The following LRP1B variants were observed in gnomAD, a reference collection of about 807,000 sequenced individuals.
LRP1B encodes low-density lipoprotein receptor-related protein 1B.
Under a neutral mutation model 556.6 loss-of-function variants are expected in LRP1B, and 217 were observed. That is an observed-to-expected ratio of 0.39 (90% CI 0.35 to 0.44). LRP1B has a LOEUF of 0.44. LRP1B is among the 20% of genes least tolerant of loss of function. The probability of loss-of-function intolerance (pLI) is 1.00; values close to 1 mark genes in which losing one functional copy is unlikely to be tolerated. For missense variants in LRP1B, 5,053 were observed against 5,620.8 expected (o/e 0.90, Z 3.23); for synonymous variants, 2,047 against 1,865.8 (o/e 1.10, Z -2.50).
At chr2:142,068,044 A>G (rs1215820990) in intron 1 of LRP1B, among the ~76,000 whole-genome samples, 2 of 151,506 alleles carry the variant, frequency 1.3e-5, no homozygotes, top group Non-Finnish European at 3.0e-5. Flanking sequence ...CTGGTTCCTT[A>G]AAGACCCTTC....
chr2:140,733,138 A>G (rs1394688770), intron 35 of LRP1B, among the ~76,000 whole-genome samples: 2 of 152,124 alleles, frequency 1.3e-5, no homozygotes, highest in African/African-American at 4.8e-5. Flanking sequence ...AGGAAACTCA[A>G]AAGGAATCTC....
rs536474837 is a variant in LRP1B at position 141,763,630 on chromosome 2, C to T, written c.205+46649G>A. 5.9e-5 allele frequency among the ~76,000 whole-genome samples: 9 copies of T among 152,136 alleles called. No individual in the cohort carries two copies. The South Asian group carries it at 1.7e-3, about 28-fold the overall frequency. On this transcript the variant is annotated intron_variant, in intron 2 of 90. Coordinates refer to ENST00000389484, the MANE Select transcript of LRP1B (RefSeq NM_018557.3). Reference sequence around the variant, plus strand: ...GATGGCCAGGTTTCAGTATGGTGTACAATTTTATATATTGCTGGTGTAAGA... The same window carrying T: ...GATGGCCAGGTTTCAGTATGGTGTATAATTTTATATATTGCTGGTGTAAGA...
At chr2:141,164,835 C>G (rs976112391) in intron 7 of LRP1B, among the ~76,000 whole-genome samples, 2 of 152,038 alleles carry the variant, frequency 1.3e-5, no homozygotes, top group African/African-American at 4.8e-5. Flanking sequence ...ATAGTAGCAG[C>G]TGGTCCAGAA....
Position 142,005,187 on chromosome 2 carries a change from C to T in LRP1B, c.82+125461G>A, listed in dbSNP as rs184871215. ...ACTATATATTTATATATATTTGGTG[C>T]CTATATATATTTAGTGCAGACCACT... On this transcript the variant is annotated intron_variant, in intron 1 of 90. Coordinates refer to ENST00000389484, the MANE Select transcript of LRP1B (RefSeq NM_018557.3). 5.0e-3 allele frequency among the ~76,000 whole-genome samples: 748 copies of T among 150,162 alleles called. 7 individuals carry two copies. The highest frequency in any genetic ancestry group is 0.017 in the African/African-American group (711 of 40,946).
chr2:141,571,700 T>C (rs974181098), intron 2 of LRP1B, among the ~76,000 whole-genome samples: 4 of 152,082 alleles, frequency 2.6e-5, no homozygotes, highest in African/African-American at 9.7e-5. Context: ...GTTAGAGGAA[T>C]TGCCACTAGA....
chr2:141,019,633 A>G (rs1698008417), intron 12 of LRP1B, among the ~76,000 whole-genome samples: 1 of 152,074 alleles, frequency 6.6e-6, no homozygotes, highest in Admixed American at 6.6e-5. Flanking sequence ...TTGATTATTT[A>G]TCTTGGTGTC....
At chr2:142,082,997 G>A (rs983002791) in intron 1 of LRP1B, among the ~76,000 whole-genome samples, 1 of 152,098 alleles carries the variant, frequency 6.6e-6, no homozygotes, top group African/African-American at 2.4e-5. Flanking sequence ...TCTATGTAGA[G>A]ATAAATAACA....
chr2:140,266,724 A>C (rs1007159697), intron 86 of LRP1B, among the ~76,000 whole-genome samples: 1 of 152,050 alleles, frequency 6.6e-6, no homozygotes, highest in Non-Finnish European at 1.5e-5. Context: ...GTTTTCTAAA[A>C]ATACTGTGAA....
At chr2:140,576,522 G>A (rs771719659) in intron 43 of LRP1B, among the ~76,000 whole-genome samples, 2 of 152,016 alleles carry the variant, frequency 1.3e-5, no homozygotes, top group Non-Finnish European at 2.9e-5. Context: ...CAAGACCATC[G>A]GAATCCAATT....
Position 141,781,516 on chromosome 2 carries a change from G to A in LRP1B, c.205+28763C>T, listed in dbSNP as rs756099806. On this transcript the variant is annotated intron_variant, in intron 2 of 90. Coordinates refer to ENST00000389484, the MANE Select transcript of LRP1B (RefSeq NM_018557.3). ...ATAAAGGAGCACTCTAGCTGCTAGT[G>A]AAAGTCACACAATTTTTTCACTCTC... Among the ~76,000 whole-genome samples the A allele has an allele frequency of 2.1e-4, 32 of 152,256 alleles. 1 individual carries two copies. Among genetic ancestry groups the A allele is most frequent in the Middle Eastern group, 3.4e-3 (1 of 294 alleles).
intron 35 of LRP1B, among the ~76,000 whole-genome samples, chr2:140,735,800 C>G (rs1175150859): frequency 6.6e-6 from 1 of 152,128 alleles, no homozygotes; most frequent in African/African-American, 2.4e-5. Flanking sequence ...CCCAGTCTAA[C>G]CCAACTGGAG....
chr2:141,884,493 T>C (rs1699050662), intron 1 of LRP1B, among the ~76,000 whole-genome samples: 1 of 152,204 alleles, frequency 6.6e-6, no homozygotes, highest in African/African-American at 2.4e-5. Flanking sequence ...AAACGAAATA[T>C]GTGCTACAGT....
intron 3 of LRP1B, among the ~76,000 whole-genome samples, chr2:141,255,570 T>C (rs867217152): frequency 1.3e-5 from 2 of 152,088 alleles, no homozygotes; most frequent in Non-Finnish European, 1.5e-5. Context: ...TAGTTATCTA[T>C]AGTATATCCT....
intron 3 of LRP1B, among the ~76,000 whole-genome samples, chr2:141,431,331 T>C (rs1680557291): frequency 1.3e-5 from 2 of 151,942 alleles, no homozygotes; most frequent in South Asian, 4.2e-4. Flanking sequence ...AGGCTACACA[T>C]ACGGACTGAG....
intron 2 of LRP1B, among the ~76,000 whole-genome samples, chr2:141,494,282 T>C (rs945681606): frequency 6.6e-5 from 10 of 152,278 alleles, no homozygotes; most frequent in African/African-American, 2.4e-4. Context: ...TATATCCTCT[T>C]TGTGCTAGAA....
At chr2:142,041,036 C>T (rs979065263) in intron 1 of LRP1B, among the ~76,000 whole-genome samples, 1 of 151,246 alleles carries the variant, frequency 6.6e-6, no homozygotes, top group African/African-American at 2.4e-5. Flanking sequence ...TTCAGCAATT[C>T]GATTATCACT....
chr2:141,428,980 C>T (rs1680471441), intron 3 of LRP1B, among the ~76,000 whole-genome samples: 1 of 152,126 alleles, frequency 6.6e-6, no homozygotes, highest in East Asian at 1.9e-4. Context: ...AATCTCTGGG[C>T]TGATCAGGAA....
chr2:141,809,824 A>G (rs924483651), intron 2 of LRP1B, among the ~76,000 whole-genome samples: 5 of 152,038 alleles, frequency 3.3e-5, no homozygotes, highest in African/African-American at 1.2e-4. Context: ...CATGGGAACT[A>G]AAGCTTGATT....
chr2:140,344,667 G>A (rs772230053), intron 77 of LRP1B, among the ~76,000 whole-genome samples: 3 of 151,718 alleles, frequency 2.0e-5, no homozygotes, highest in Admixed American at 6.6e-5. Context: ...GTTTATTTTG[G>A]GGCATGCTAG....
Sources: gnomAD v4.1 joint callset for allele counts (sites outside exome capture counted in the v4.1 genomes callset) on GRCh38, gnomAD v4.1.1 for gene constraint, MANE v1.5 for transcripts, NCBI Gene and HGNC (gene_info 2026-07-23, HGNC 2026-07-21) for gene names.